PAX7: variants seen among roughly 807,000 people sequenced by gnomAD.
PAX7 encodes paired box protein Pax-7.
In PAX7, 18 loss-of-function variants were observed where a neutral mutation model predicts 50.7. The ratio of observed to expected loss-of-function variants is 0.36; its 90% CI spans 0.25 to 0.53. PAX7 has a LOEUF of 0.53. PAX7 is among the 20% of genes least tolerant of loss of function. PAX7 has a pLI of 0.93. For missense variants in PAX7, 644 were observed against 702.9 expected, an observed-to-expected ratio of 0.92 and a Z score of 0.95; for synonymous variants, 310 against 290.4, an observed-to-expected ratio of 1.07 and a Z score of -0.69.
At chr1:18,740,028 C>T (rs867394491) in intron 8 of PAX7, among the ~76,000 whole-genome samples, 14 of 152,242 alleles carry the variant, frequency 9.2e-5, no homozygotes, top group Middle Eastern at 3.4e-3. Context: ...GATTGTTTAC[C>T]GGTTGGCATC....
intron 7 of PAX7, among the ~76,000 whole-genome samples, chr1:18,733,174 C>G (rs569371073): frequency 6.6e-6 from 1 of 152,036 alleles, no homozygotes; most frequent in Admixed American, 6.5e-5. Flanking sequence ...GCACATTCTT[C>G]AAGCTAAGGA....
chr1:18,631,806 C>G (rs1055051442), intron 1 of PAX7, 118 bp downstream of exon 1: 5 of 827,146 alleles, frequency 6.0e-6, no homozygotes, highest in Non-Finnish European at 9.9e-6. Context: ...GGATCCCGTT[C>G]TCTTCTGGGT....
At chr1:18,730,342 C>T (rs1453423969) in intron 7 of PAX7, among the ~76,000 whole-genome samples, 1 of 152,156 alleles carries the variant, frequency 6.6e-6, no homozygotes, top group Non-Finnish European at 1.5e-5. Context: ...CCAGTGCCCT[C>T]GGGGAAACTG....
At position 18,747,329 on chromosome 1, in the gene PAX7, G is replaced by C. The variant is rs1931483489; in HGVS notation, c.*2400G>C. 1 of 228,974 alleles carries C rather than the reference G, an allele frequency of 4.4e-6. No individual in the cohort carries two copies. 14.2% of individuals were successfully genotyped at this position (228,974 alleles called of 1,614,324 possible). ...AGACCTGCTTGGGAATAAACCAAAT[G>C]ATTTCTCATGACGTTGAACATAAGT... On this transcript the variant is annotated 3_prime_UTR_variant, in exon 9 of 9. Transcript: ENST00000420770.
At chr1:18,667,101 A>G (rs1454955545) in intron 4 of PAX7, among the ~76,000 whole-genome samples, 1 of 152,212 alleles carries the variant, frequency 6.6e-6, no homozygotes, top group Non-Finnish European at 1.5e-5. Context: ...CTCCTGCTGC[A>G]GATCAAAAGA....
At chr1:18,707,910 A>G (rs2089304458) in intron 7 of PAX7, among the ~76,000 whole-genome samples, 1 of 152,100 alleles carries the variant, frequency 6.6e-6, no homozygotes, top group Non-Finnish European at 1.5e-5. Context: ...GTGGATGAGA[A>G]AACTGAGGCC....
intron 5 of PAX7, among the ~76,000 whole-genome samples, chr1:18,697,617 A>G (rs2089166369): frequency 6.6e-6 from 1 of 152,194 alleles, no homozygotes; most frequent in Admixed American, 6.5e-5. Context: ...GCTGTCAACC[A>G]TCCTGTTACA....
chr1:18,744,711 T>C, intron 8 of PAX7, 103 bp from the exon 9 acceptor site: 1 of 694,764 alleles, frequency 1.4e-6, no homozygotes, highest in Non-Finnish European at 2.7e-6. Context: ...GATGGATGGA[T>C]GGATGGATGG....
In PAX7 at chr1:18,747,375, G is replaced by C. The variant is rs1397922766; in HGVS notation, c.*2446G>C. 8.8e-6 allele frequency: 2 copies of C among 228,412 alleles called. No individual in the cohort carries two copies. The highest frequency in any genetic ancestry group is 1.2e-4 in the East Asian group (2 of 16,022). 14.1% of individuals were successfully genotyped at this position (228,412 alleles called of 1,614,324 possible). On this transcript the variant is annotated 3_prime_UTR_variant, in exon 9 of 9. Coordinates refer to ENST00000420770, the MANE Select transcript of PAX7 (RefSeq NM_001135254.2). ...TAAGTTCTCCCAAGCCATCATCTTGGTAGAAAATGGGACTTATTCCTTGAC... is the reference window on the plus strand; with the variant it reads ...TAAGTTCTCCCAAGCCATCATCTTGCTAGAAAATGGGACTTATTCCTTGAC...
At chr1:18,711,788 G>T (rs186111644) in intron 7 of PAX7, among the ~76,000 whole-genome samples, 3 of 152,134 alleles carry the variant, frequency 2.0e-5, no homozygotes, top group Non-Finnish European at 2.9e-5. Context: ...TGACCAGTGC[G>T]GTTGGTACAG....
intron 7 of PAX7, among the ~76,000 whole-genome samples, chr1:18,718,257 C>A (rs999481957): frequency 6.6e-6 from 1 of 152,100 alleles, no homozygotes; most frequent in Non-Finnish European, 1.5e-5. Context: ...GCAGGGAGTG[C>A]GCCATCTCTG....
Position 18,631,446 on chromosome 1 carries a change from T to TG in PAX7, c.-152dup. 3 of 559,964 alleles carry TG rather than the reference T, an allele frequency of 5.4e-6. No individual in the cohort carries two copies. The highest frequency in any genetic ancestry group is 3.0e-5 in the East Asian group (1 of 32,946). 34.7% of individuals were successfully genotyped at this position (559,964 alleles called of 1,614,324 possible). On this transcript the variant is annotated 5_prime_UTR_variant, in exon 1 of 9. Coordinates refer to ENST00000420770, the MANE Select transcript of PAX7 (RefSeq NM_001135254.2). ...GGACGCGTTTGACTGCAGCCAGGGG[T>TG]GGGGGGTGGGGGTAGGGAGTGTGTG... is the stretch of plus-strand genomic sequence containing the variant.
intron 4 of PAX7, among the ~76,000 whole-genome samples, chr1:18,671,018 G>A (rs648477): frequency 0.14 from 22,020 of 152,030 alleles, 1,685 homozygotes; most frequent in East Asian, 0.28. Context: ...CTGGCAAACC[G>A]CTTGGCTCCC....
intron 7 of PAX7, among the ~76,000 whole-genome samples, chr1:18,712,455 C>A: frequency 6.6e-6 from 1 of 152,222 alleles, no homozygotes; most frequent in Non-Finnish European, 1.5e-5. Flanking sequence ...TTTCCTACCC[C>A]TTTTTCCTGG....
chr1:18,712,385 G>A (rs1159055588), intron 7 of PAX7, among the ~76,000 whole-genome samples: 3 of 152,214 alleles, frequency 2.0e-5, no homozygotes, highest in East Asian at 1.9e-4. Flanking sequence ...AGCCCACAAG[G>A]GAGCGGCCTG....
rs776270789 is a variant in PAX7, at chr1:18,636,421, T to G, written c.586+50T>G. ...GGCCCCAGCCCGGGTTTTCCCACGC[T>G]CCGGTGTGCGGGCCAGTGGTTCGCT... is the stretch of plus-strand genomic sequence containing the variant. On this transcript the variant is annotated intron_variant, in intron 4 of 8. Coordinates refer to ENST00000420770, the MANE Select transcript of PAX7 (RefSeq NM_001135254.2). The surrounding 1 kb of genome is among the most constrained non-coding windows in gnomAD (Gnocchi z 5.1). 1.6e-5 allele frequency: 25 copies of G among 1,599,110 alleles called. No individual in the cohort carries two copies. The highest frequency in any genetic ancestry group is 3.3e-4 in the Middle Eastern group (2 of 5,994).
chr1:18,744,196 G>T (rs1033891896), intron 8 of PAX7, among the ~76,000 whole-genome samples: 1 of 152,148 alleles, frequency 6.6e-6, no homozygotes, highest in African/African-American at 2.4e-5. Context: ...AAGGCAGAGA[G>T]ACCTTGCCCT....
chr1:18,645,820 A>G (rs1300191538), intron 4 of PAX7, among the ~76,000 whole-genome samples: 2 of 152,126 alleles, frequency 1.3e-5, no homozygotes. Flanking sequence ...AAGCTTCTGG[A>G]ACCTCTTGTT....
intron 4 of PAX7, among the ~76,000 whole-genome samples, chr1:18,669,973 C>A (rs557272276): frequency 2.0e-4 from 31 of 151,368 alleles, no homozygotes; most frequent in African/African-American, 7.3e-4. Flanking sequence ...AGGCCAGCTA[C>A]TCGGGAGGCT....
Sources: gnomAD v4.1 joint callset for allele counts (sites outside exome capture counted in the v4.1 genomes callset) on GRCh38, gnomAD v4.1.1 for gene constraint, Gnocchi (gnomAD v3.1) non-coding constraint, MANE v1.5 for transcripts, NCBI Gene and HGNC (gene_info 2026-07-23, HGNC 2026-07-21) for gene names.